Variants in ST3GAL3 observed in about 807,000 individuals in gnomAD.
The protein encoded by ST3GAL3 is CMP-N-acetylneuraminate-beta-1,4-galactoside alpha-2,3-sialyltransferase.
ST3GAL3 carries 21 observed loss-of-function variants against 50.1 expected under a neutral mutation model. The ratio of observed to expected loss-of-function variants is 0.42; its 90% CI spans 0.30 to 0.60. ST3GAL3 has a LOEUF of 0.60. ST3GAL3 is among the 20% of genes least tolerant of loss of function. The probability of loss-of-function intolerance (pLI) is 0.19; values close to 1 mark genes in which losing one functional copy is unlikely to be tolerated. For synonymous variants in ST3GAL3, 183 were observed against 190.0 expected (o/e 0.96, Z 0.30); for missense variants, 353 against 489.4 (o/e 0.72, Z 2.63).
chr1:43,742,969 G>A (rs980438007), intron 2 of ST3GAL3, among the ~76,000 whole-genome samples: 3 of 151,894 alleles, frequency 2.0e-5, no homozygotes, highest in Non-Finnish European at 4.4e-5. Context: ...CTGGTGGCAC[G>A]TGCCTGTAGT....
intron 2 of ST3GAL3, among the ~76,000 whole-genome samples, chr1:43,744,059 C>T (rs1443922000): frequency 1.3e-5 from 2 of 152,078 alleles, no homozygotes; most frequent in Non-Finnish European, 2.9e-5. Flanking sequence ...CTCACTATTT[C>T]AACAAAAAAG....
At chr1:43,736,164 A>T in intron 1 of ST3GAL3, 69 bp from the exon 2 acceptor site, 1 of 1,404,970 alleles carries the variant, frequency 7.1e-7, no homozygotes, top group Non-Finnish European at 1.0e-6. Flanking sequence ...CTCTATAGAT[A>T]CTTTAAGAGA....
chr1:43,886,539 AT>A (rs1373473663), intron 5 of ST3GAL3, among the ~76,000 whole-genome samples: 1 of 152,250 alleles, frequency 6.6e-6, no homozygotes, highest in East Asian at 1.9e-4. Flanking sequence ...GTAAGAATGC[AT>A]TTTTTCCAGG....
chr1:43,767,018 G>A (rs1020553583), intron 2 of ST3GAL3, among the ~76,000 whole-genome samples: 3 of 152,194 alleles, frequency 2.0e-5, no homozygotes, highest in Admixed American at 1.3e-4. Context: ...TGAGTTAGGC[G>A]GAAGCAGCTG....
chr1:43,795,969 C>T lies in ST3GAL3; in HGVS notation c.166+3820C>T, dbSNP rs541501422. 6.6e-5 allele frequency among the ~76,000 whole-genome samples: 10 copies of T among 152,276 alleles called. No individual in the cohort carries two copies. The South Asian group carries it at 1.7e-3, about 25-fold the overall frequency. ...AGGCACAAACAGCTTCAGGAAAAGA[C>T]CTCTAGTTAAAGCTCTGGGGTGGGA... On this transcript the variant is annotated intron_variant, in intron 3 of 11. Coordinates refer to ENST00000347631, the MANE Select transcript of ST3GAL3 (RefSeq NM_006279.5).
Position 43,930,177 on chromosome 1 carries a change from CT to C in ST3GAL3, c.1085del (p.Leu362ArgfsTer2). 1 of 1,614,128 alleles carries C rather than the reference CT, an allele frequency of 6.2e-7. No homozygotes were observed. The highest frequency in any genetic ancestry group is 8.5e-7 in the Non-Finnish European group (1 of 1,180,048). ...IQREKEFLRK[L>X]VKARVITDLS... ...GCGAGAGAAAGAGTTTCTGCGGAAG[CT>C]GGTGAAAGCTCGCGTCATCACTGAT... On this transcript the variant is annotated frameshift_variant, in exon 12 of 12. Coordinates refer to ENST00000347631, the MANE Select transcript of ST3GAL3 (RefSeq NM_006279.5). LOFTEE classifies it high-confidence loss of function.
chr1:43,814,815 C>A, intron 3 of ST3GAL3, 76 bp from the exon 4 acceptor site: 2 of 1,411,322 alleles, frequency 1.4e-6, no homozygotes, highest in South Asian at 1.1e-5. Context: ...TCCCTGTGGT[C>A]TAGGTCTGGG....
chr1:43,780,088 A>G (rs1698870837), intron 2 of ST3GAL3, among the ~76,000 whole-genome samples: 1 of 152,150 alleles, frequency 6.6e-6, no homozygotes, highest in South Asian at 2.1e-4. Context: ...ATTTAATGGA[A>G]CACATCTTGT....
intron 2 of ST3GAL3, among the ~76,000 whole-genome samples, chr1:43,742,528 T>C (rs935302803): frequency 6.6e-6 from 1 of 152,208 alleles, no homozygotes; most frequent in Admixed American, 6.5e-5. Flanking sequence ...TCATAGTTTT[T>C]ATGTGTAATA....
intron 6 of ST3GAL3, among the ~76,000 whole-genome samples, chr1:43,897,252 G>A (rs752173781): frequency 6.6e-6 from 1 of 152,076 alleles, no homozygotes; most frequent in Admixed American, 6.5e-5. Flanking sequence ...GCACATCTTC[G>A]TGGTTATTTG....
chr1:43,720,617 T>G (rs1669952437), intron 1 of ST3GAL3: 1 of 152,204 alleles, frequency 6.6e-6, no homozygotes. Context: ...CAAGCCCTTT[T>G]ATAATTGGCA....
chr1:43,821,626 T>C (rs756854517), intron 4 of ST3GAL3, among the ~76,000 whole-genome samples: 1 of 152,148 alleles, frequency 6.6e-6, no homozygotes, highest in Non-Finnish European at 1.5e-5. Flanking sequence ...AACTAGAATG[T>C]GAGACTGGTG....
At chr1:43,772,269 A>T (rs1695551849) in intron 2 of ST3GAL3, 1 of 356,062 alleles carries the variant, frequency 2.8e-6, no homozygotes, top group African/African-American at 2.1e-5. Flanking sequence ...GCTGGTCTTG[A>T]ATTCCTGACC....
chr1:43,771,364 G>GT (rs397943226), intron 2 of ST3GAL3, among the ~76,000 whole-genome samples: 11,723 of 142,862 alleles, frequency 0.082, 1,477 homozygotes, highest in African/African-American at 0.28. Flanking sequence ...GCGACTTTTT[G>GT]TTTTTTTTTT....
At chr1:43,760,061 C>G (rs899441767) in intron 2 of ST3GAL3, among the ~76,000 whole-genome samples, 23 of 152,204 alleles carry the variant, frequency 1.5e-4, no homozygotes, top group African/African-American at 5.3e-4. Flanking sequence ...ATTGTTTGTA[C>G]TACAAGCTGA....
At chr1:43,710,069 C>CA (rs1434179710) in intron 1 of ST3GAL3, among the ~76,000 whole-genome samples, 1 of 152,012 alleles carries the variant, frequency 6.6e-6, no homozygotes, top group African/African-American at 2.4e-5. Context: ...ACCCTACTTC[C>CA]ACACTGTTTC....
intron 9 of ST3GAL3, 23 bp from the exon 10 acceptor site, chr1:43,920,381 G>A: frequency 6.2e-7 from 1 of 1,614,022 alleles, no homozygotes. Context: ...CCTCGTTGAG[G>A]CCCGCTTTTG....
intron 2 of ST3GAL3, chr1:43,772,567 AG>A (rs1397990427): frequency 6.6e-6 from 1 of 152,208 alleles, no homozygotes; most frequent in Non-Finnish European, 1.5e-5. Context: ...TCTGTCATCC[AG>A]GCTGGAGTGC....
intron 11 of ST3GAL3, 66 bp from the exon 12 acceptor site, chr1:43,930,066 G>A (rs774636082): frequency 2.6e-5 from 36 of 1,400,512 alleles, no homozygotes; most frequent in African/African-American, 5.7e-5. Flanking sequence ...AGAAGGCACC[G>A]AGCCCTGGAA....
Sources: allele counts gnomAD v4.1 joint callset (sites outside exome capture counted in the v4.1 genomes callset), GRCh38; gene constraint gnomAD v4.1.1; transcripts MANE v1.5; gene names NCBI Gene and HGNC (gene_info 2026-07-23, HGNC 2026-07-21).